PPAN: variants seen among roughly 807,000 people sequenced by gnomAD.
PPAN encodes the protein peter pan homolog.
PPAN carries 39 observed loss-of-function variants against 48.5 expected under a neutral mutation model. The observed-to-expected ratio is 0.80, with a 90% confidence interval of 0.62 to 1.05. The LOEUF is 1.05. Ranked by LOEUF, PPAN falls within the 50% of genes least tolerant of loss-of-function variation. The pLI, the probability that PPAN is intolerant of heterozygous loss-of-function variation, is 0.00. For missense variants in PPAN, 736 were observed against 661.7 expected (o/e 1.11, Z -1.23); for synonymous variants, 315 against 268.6 (o/e 1.17, Z -1.69).
Position 10,111,722 on chromosome 19 carries a change from A to T in PPAN, c.*557A>T. The T allele has an allele frequency of 6.2e-7, 1 of 1,613,722 alleles. No homozygotes were observed. The highest frequency in any genetic ancestry group is 1.1e-5 in the South Asian group (1 of 91,064). The stretch of plus-strand genomic sequence containing the variant: ...ACAGGCTGAGGATCGGCACGGGAGC[A>T]TGGCAGCCAACGTCTCGGGTAAGGA... On this transcript the variant is annotated 3_prime_UTR_variant, in exon 12 of 12. Transcript: ENST00000253107.
rs935398171 is a variant in PPAN at position 10,111,201 on chromosome 19, G to A, written c.*36G>A. On this transcript the variant is annotated 3_prime_UTR_variant, in exon 12 of 12. Coordinates refer to ENST00000253107, the MANE Select transcript of PPAN (RefSeq NM_020230.7). The stretch of plus-strand genomic sequence containing the variant: ...CACCGGAGCAGCGGCTGGATTGAAC[G>A]CCCCAGATTGGGGCCCGAGATGTGG... 1.5e-5 allele frequency: 23 copies of A among 1,502,430 alleles called. No homozygotes were observed. Among genetic ancestry groups the A allele is most frequent in the Middle Eastern group, 2.3e-4 (1 of 4,320 alleles). 93.1% of individuals were successfully genotyped at this position (1,502,430 alleles called of 1,614,324 possible).
Position 10,111,328 on chromosome 19 carries a change from T to C in PPAN, c.*163T>C. On this transcript the variant is annotated 3_prime_UTR_variant, in exon 12 of 12. Transcript: ENST00000253107. Reference sequence around the variant, plus strand: ...CACGTCAGCGTTTGGGATGGGGGATTCTGGAGCCATACAAAGCAACCCAGA... The same window carrying C: ...CACGTCAGCGTTTGGGATGGGGGATCCTGGAGCCATACAAAGCAACCCAGA... 1.1e-6 allele frequency: 1 copy of C among 915,242 alleles called. No individual in the cohort carries two copies. Among genetic ancestry groups the C allele is most frequent in the South Asian group, 1.8e-5 (1 of 55,674 alleles). 56.7% of individuals were successfully genotyped at this position (915,242 alleles called of 1,614,324 possible).
rs2089014996 is a variant in PPAN at position 10,110,532 on chromosome 19, A to G, written c.949A>G (p.Lys317Glu). The G allele has an allele frequency of 6.2e-7, 1 of 1,611,910 alleles. No individual in the cohort carries two copies. Among genetic ancestry groups the G allele is most frequent in the Admixed American group, 1.7e-5 (1 of 59,780 alleles). Reference sequence around the variant, plus strand: ...GCAGGCCATCCTGGAAGCCAAGGAGAAGAAGCTGCGGCTGAAGGCGCAGAG... The same window carrying G: ...GCAGGCCATCCTGGAAGCCAAGGAGGAGAAGCTGCGGCTGAAGGCGCAGAG... The part of the protein sequence containing the change: ...ELQAILEAKE[K>E]KLRLKAQRQA... The change falls in exon 10 of 12, where the codon AAG (lysine) becomes GAG (glutamate). Residue 317 changes from lysine to glutamate, a missense_variant. Transcript: ENST00000253107. This position sits in a 1 kb window ranked among gnomAD's most constrained non-coding sequence, Gnocchi z 5.9.
Position 10,110,471 on chromosome 19 carries a change from G to A in PPAN, c.902-14G>A, listed in dbSNP as rs777175945. On this transcript the variant is annotated splice_polypyrimidine_tract_variant and intron_variant, in intron 9 of 11. Coordinates refer to ENST00000253107, the MANE Select transcript of PPAN (RefSeq NM_020230.7). The surrounding 1 kb of genome is among the most constrained non-coding windows in gnomAD (Gnocchi z 5.9). ...CTGCACCCGGATCTTGGTGACCCGC[G>A]TCTCTTGGCTCAGTGAGCAAGACGG... 6.9e-5 allele frequency: 111 copies of A among 1,612,406 alleles called. No individual in the cohort carries two copies. The highest frequency in any genetic ancestry group is 2.2e-4 in the East Asian group (10 of 44,850).
intron 3 of PPAN, 78 bp downstream of exon 3, chr19:10,107,684 G>A: frequency 6.3e-7 from 1 of 1,596,378 alleles, no homozygotes; most frequent in South Asian, 1.1e-5. Flanking sequence ...ATATGCCTCT[G>A]AGCTGCTGTG....
At position 10,110,260 on chromosome 19, in the gene PPAN, C is replaced by T. The variant is rs1224645883; in HGVS notation, c.822+14C>T. The stretch of plus-strand genomic sequence containing the variant: ...CGGCTCACCGAGGTGAGGCCCAGGG[C>T]AGGGGGACCCCCGGGCTCCACCAGT... On this transcript the variant is annotated intron_variant, in intron 8 of 11. Transcript: ENST00000253107. This position sits in a 1 kb window ranked among gnomAD's most constrained non-coding sequence, Gnocchi z 5.9. The T allele has an allele frequency of 6.2e-7, 1 of 1,612,252 alleles. No individual in the cohort carries two copies. Among genetic ancestry groups the T allele is most frequent in the Non-Finnish European group, 8.5e-7 (1 of 1,179,624 alleles).
rs372347412 is a variant in PPAN at position 10,110,434 on chromosome 19, A to G, written c.901+32A>G. 40 of 1,612,618 alleles carry G rather than the reference A, an allele frequency of 2.5e-5. 1 individual carries two copies. The highest frequency in any genetic ancestry group is 3.3e-5 in the Non-Finnish European group (39 of 1,179,896). Reference sequence around the variant, plus strand: ...CCGGGGCCGCCGGGGGTGGGGGGTCATGGGTGTGGAGCTGCACCCGGATCT... The same window carrying G: ...CCGGGGCCGCCGGGGGTGGGGGGTCGTGGGTGTGGAGCTGCACCCGGATCT... On this transcript the variant is annotated intron_variant, in intron 9 of 11. Transcript: ENST00000253107. The surrounding 1 kb of genome is among the most constrained non-coding windows in gnomAD (Gnocchi z 5.9).
intron 5 of PPAN, among the ~76,000 whole-genome samples, chr19:10,109,365 G>A (rs935322375): frequency 1.3e-5 from 2 of 152,022 alleles, no homozygotes; most frequent in Non-Finnish European, 2.9e-5. Context: ...GACTACAGGC[G>A]TGCACCACCA....
chr19:10,111,765 C>G lies in PPAN; in HGVS notation c.*600C>G, dbSNP rs769483135. The G allele has an allele frequency of 6.2e-7, 1 of 1,613,074 alleles. No homozygotes were observed. The highest frequency in any genetic ancestry group is 1.1e-5 in the South Asian group (1 of 91,026). On this transcript the variant is annotated 3_prime_UTR_variant, in exon 12 of 12. Transcript: ENST00000253107. ...GGTAAGGAGAAGGCATGTTGGCTGT[C>G]TCTGGGGGTCTGCAGATTGTCAGGA... is the stretch of plus-strand genomic sequence containing the variant.
Position 10,110,298 on chromosome 19 carries a change from C to T in PPAN, c.823-26C>T. On this transcript the variant is annotated intron_variant, in intron 8 of 11. Transcript: ENST00000253107. This position sits in a 1 kb window ranked among gnomAD's most constrained non-coding sequence, Gnocchi z 5.9. ...GGGCTCCACCAGTCCCAACGGTGGG[C>T]TGACGCTTCTTCCTCGTCCCCTCAG... is the stretch of plus-strand genomic sequence containing the variant. The T allele has an allele frequency of 6.2e-7, 1 of 1,613,402 alleles. No individual in the cohort carries two copies. Among genetic ancestry groups the T allele is most frequent in the South Asian group, 1.1e-5 (1 of 91,040 alleles).
In PPAN at chr19:10,111,058, A is replaced by G; in HGVS notation, c.1315A>G (p.Thr439Ala). ...CCTTTGTGACCAGAAGTTTCCCAAG[A>G]CCAAGGACAAGTCCCAGGGAGCCCA... ...GRLCDQKFPK[T>A]KDKSQGAQAR... Residue 439 changes from threonine to alanine, a missense_variant, in exon 12 of 12, where the codon ACC becomes GCC. Physicochemically the swap from Thr to Ala is moderately conservative, Grantham distance 58 (BLOSUM62 0). Coordinates refer to ENST00000253107, the MANE Select transcript of PPAN (RefSeq NM_020230.7). 6.2e-7 allele frequency: 1 copy of G among 1,613,528 alleles called. No homozygotes were observed. Among genetic ancestry groups the G allele is most frequent in the Non-Finnish European group, 8.5e-7 (1 of 1,179,928 alleles).
Position 10,111,064 on chromosome 19 carries a change from G to A in PPAN, c.1321G>A (p.Asp441Asn), listed in dbSNP as rs1428946878. 5.6e-6 allele frequency: 9 copies of A among 1,613,690 alleles called. No homozygotes were observed. Among genetic ancestry groups the A allele is most frequent in the Non-Finnish European group, 7.6e-6 (9 of 1,179,972 alleles). Reference sequence around the variant, plus strand: ...TGACCAGAAGTTTCCCAAGACCAAGGACAAGTCCCAGGGAGCCCAGGCCAG... The same window carrying A: ...TGACCAGAAGTTTCCCAAGACCAAGAACAAGTCCCAGGGAGCCCAGGCCAG... ...LCDQKFPKTK[D>N]KSQGAQARRG... Residue 441 changes from aspartate to asparagine, a missense_variant, in exon 12 of 12, where the codon GAC (aspartate) becomes AAC (asparagine). Physicochemically the swap from Asp to Asn is conservative, Grantham distance 23 (BLOSUM62 1). Transcript: ENST00000253107.
rs768241040 is a variant in PPAN, at chr19:10,110,728, C to T, written c.1063C>T (p.Arg355Trp). The T allele has an allele frequency of 1.9e-5, 30 of 1,613,626 alleles. No individual in the cohort carries two copies. The highest frequency in any genetic ancestry group is 2.7e-5 in the African/African-American group (2 of 74,850). Residue 355 changes from arginine to tryptophan, a missense_variant, in exon 11 of 12, where the codon CGG becomes TGG. By Grantham distance (101) the Arg-to-Trp change is moderately radical. Coordinates refer to ENST00000253107, the MANE Select transcript of PPAN (RefSeq NM_020230.7). The surrounding 1 kb of genome is among the most constrained non-coding windows in gnomAD (Gnocchi z 5.9). ...KKSLEGMKKA[R>W]VGGSDEEASG... is the part of the protein sequence containing the mutation. ...GAGCCTGGAGGGCATGAAGAAGGCA[C>T]GGGTCGGGGGTAGTGATGAAGAGGC...
intron 5 of PPAN, among the ~76,000 whole-genome samples, chr19:10,108,964 T>C (rs986728938): frequency 4.4e-4 from 55 of 125,796 alleles, no homozygotes; most frequent in African/African-American, 1.9e-3. Flanking sequence ...CTTGTTTACC[T>C]TTTTTTTTTT....
upstream of PPAN, chr19:10,106,353 G>A: frequency 6.5e-7 from 1 of 1,548,696 alleles, no homozygotes; most frequent in Non-Finnish European, 8.7e-7. Context: ...GCGCAGCGCC[G>A]GAAGCGGCGG....
chr19:10,108,354 A>C (rs1234313441), intron 5 of PPAN, among the ~76,000 whole-genome samples: 3 of 152,118 alleles, frequency 2.0e-5, no homozygotes, highest in Non-Finnish European at 4.4e-5. Context: ...CACCTTTTCC[A>C]GCCGGTGGAA....
At chr19:10,106,950 G>A in intron 2 of PPAN, 1 of 635,774 alleles carries the variant, frequency 1.6e-6, no homozygotes, top group South Asian at 1.7e-5. Flanking sequence ...ATTTGGGGAT[G>A]CTGATGCGGG....
Position 10,108,022 on chromosome 19 carries a change from A to G in PPAN, c.401A>G (p.Gln134Arg), listed in dbSNP as rs1464813458. ...SLRRHRMHEQ[Q>R]FAHPPLLVLN... The stretch of plus-strand genomic sequence containing the variant: ...CGCCGGCACCGCATGCACGAGCAGC[A>G]GTTTGCCCACCCACCCCTCCTGGTA... The change falls in exon 5 of 12, where the codon CAG (glutamine) becomes CGG (arginine). Residue 134 changes from glutamine to arginine, a missense_variant. By Grantham distance (43) the Gln-to-Arg change is conservative. Coordinates refer to ENST00000253107, the MANE Select transcript of PPAN (RefSeq NM_020230.7). 6.2e-7 allele frequency: 1 copy of G among 1,613,626 alleles called. No homozygotes were observed. The highest frequency in any genetic ancestry group is 8.5e-7 in the Non-Finnish European group (1 of 1,179,826).
chr19:10,109,317 A>G (rs1004370737), intron 5 of PPAN, among the ~76,000 whole-genome samples: 12 of 151,618 alleles, frequency 7.9e-5, no homozygotes, highest in Admixed American at 2.6e-4. Flanking sequence ...ACTCCTGGGC[A>G]CAAGCAATCC....
Sources: gnomAD v4.1 joint callset for allele counts (sites outside exome capture counted in the v4.1 genomes callset) on GRCh38, gnomAD v4.1.1 for gene constraint, Gnocchi (gnomAD v3.1) non-coding constraint, MANE v1.5 for transcripts, NCBI Gene and HGNC (gene_info 2026-07-23, HGNC 2026-07-21) for gene names.